The following SOX5 variants were observed in gnomAD, a reference collection of about 807,000 sequenced individuals.
The protein encoded by SOX5 is SRY-box transcription factor 5, also known as transcription factor SOX-5.
A neutral mutation model predicts 92.0 loss-of-function variants in SOX5; 9 were observed. That is an observed-to-expected ratio of 0.10 (90% CI 0.06 to 0.17). The LOEUF (loss-of-function observed/expected upper bound fraction) is 0.17, where lower values mean the gene tolerates loss of function less well. SOX5 is among the 10% of genes least tolerant of loss of function. The pLI, the probability that SOX5 is intolerant of heterozygous loss-of-function variation, is 1.00. For synonymous variants in SOX5, 344 were observed against 336.3 expected (o/e 1.02, Z -0.25); for missense variants, 642 against 944.5 (o/e 0.68, Z 4.20).
chr12:24,035,217 G>A (rs540150879), intron 4 of SOX5, among the ~76,000 whole-genome samples: 3 of 152,154 alleles, frequency 2.0e-5, no homozygotes, highest in East Asian at 1.9e-4. Context: ...TATGCCTTAC[G>A]ATTTTAATGG....
At chr12:23,578,169 C>CCCTAATTG (rs1346101353) in intron 9 of SOX5, among the ~76,000 whole-genome samples, 1 of 120,440 alleles carries the variant, frequency 8.3e-6, no homozygotes, top group East Asian at 2.4e-4. Context: ...GCAATATTAT[C>CCCTAATTG]CCTAATTGTT....
chr12:23,774,582 A>C (rs2095041115), intron 3 of SOX5, among the ~76,000 whole-genome samples: 1 of 152,216 alleles, frequency 6.6e-6, no homozygotes, highest in Non-Finnish European at 1.5e-5. Flanking sequence ...ATTCAATTAT[A>C]AAGTTATAGT....
At chr12:24,272,203 A>G (rs552440675) in intron 3 of SOX5, among the ~76,000 whole-genome samples, 22 of 152,290 alleles carry the variant, frequency 1.4e-4, no homozygotes, top group Admixed American at 1.0e-3. Context: ...AATATTGTGC[A>G]TCTCTTATTA....
chr12:23,875,554 A>G (rs1259428956), intron 2 of SOX5, among the ~76,000 whole-genome samples: 1 of 152,124 alleles, frequency 6.6e-6, no homozygotes, highest in African/African-American at 2.4e-5. Flanking sequence ...AGAGGAAGCA[A>G]AGGAAGGAAA....
chr12:23,976,438 G>A lies in SOX5; in HGVS notation c.-1-80414C>T, dbSNP rs7967712. Among the ~76,000 whole-genome samples, 1,175 of 140,150 alleles carry A rather than the reference G, an allele frequency of 8.4e-3. 26 individuals carry two copies. Among genetic ancestry groups the A allele is most frequent in the African/African-American group, 0.03 (1,113 of 37,600 alleles). 91.9% of individuals were successfully genotyped at this position (140,150 alleles called of 152,430 possible). A position where few individuals can be genotyped will look rare whatever the true frequency, so the allele number is the denominator to read the frequency against. The stretch of plus-strand genomic sequence containing the variant: ...AAAAAAAAAAAAGAAGAGAAGGAAG[G>A]TAAACAGGATGAGGAAGAAAGGTAA... On this transcript the variant is annotated intron_variant, in intron 4 of 4. Transcript: ENST00000446891.
chr12:24,207,390 G>A (rs1958131570), intron 4 of SOX5, among the ~76,000 whole-genome samples: 1 of 151,996 alleles, frequency 6.6e-6, no homozygotes, highest in African/African-American at 2.4e-5. Context: ...GCCAAGAAAT[G>A]AGATGGAGGA....
intron 1 of SOX5, 53 bp from the exon 2 acceptor site, chr12:23,896,077 T>C: frequency 8.0e-7 from 1 of 1,257,566 alleles, no homozygotes. Flanking sequence ...AAATCCTTAA[T>C]GCCGTCATTG....
chr12:23,865,339 G>A (rs943866961), intron 2 of SOX5, among the ~76,000 whole-genome samples: 1 of 152,144 alleles, frequency 6.6e-6, no homozygotes, highest in Non-Finnish European at 1.5e-5. Flanking sequence ...TGCAGCCCAT[G>A]GATCAGGAAG....
intron 9 of SOX5, among the ~76,000 whole-genome samples, chr12:23,599,055 G>T (rs945659605): frequency 2.0e-5 from 3 of 152,120 alleles, no homozygotes; most frequent in Non-Finnish European, 2.9e-5. Context: ...TTGATATAAC[G>T]TTTACTTGAT....
chr12:24,418,745 C>T (rs1965439751), intron 1 of SOX5, among the ~76,000 whole-genome samples: 1 of 152,084 alleles, frequency 6.6e-6, no homozygotes, highest in Non-Finnish European at 1.5e-5. Flanking sequence ...TCAAAAAATA[C>T]CCCAATTTCT....
At chr12:23,677,036 G>A (rs1369979881) in intron 6 of SOX5, among the ~76,000 whole-genome samples, 2 of 152,094 alleles carry the variant, frequency 1.3e-5, no homozygotes, top group Non-Finnish European at 2.9e-5. Flanking sequence ...TTATGTTTTA[G>A]CTTTAATTTC....
At chr12:24,302,328 G>A (rs1948068208) in intron 2 of SOX5, among the ~76,000 whole-genome samples, 1 of 152,058 alleles carries the variant, frequency 6.6e-6, no homozygotes. Context: ...ATTGTTATAG[G>A]TCTATTCACA....
At chr12:24,471,387 CT>C (rs1944807675) in intron 1 of SOX5, among the ~76,000 whole-genome samples, 1 of 152,158 alleles carries the variant, frequency 6.6e-6, no homozygotes, top group Non-Finnish European at 1.5e-5. Flanking sequence ...GCTATTAGGA[CT>C]TTCTGCATTG....
At chr12:24,140,534 T>G (rs577455363) in intron 4 of SOX5, among the ~76,000 whole-genome samples, 1 of 152,280 alleles carries the variant, frequency 6.6e-6, no homozygotes, top group South Asian at 2.1e-4. Context: ...TGAAATATAT[T>G]ATAGCTTTAT....
intron 3 of SOX5, among the ~76,000 whole-genome samples, chr12:24,273,873 A>T (rs1195006711): frequency 6.6e-6 from 1 of 152,142 alleles, no homozygotes; most frequent in East Asian, 1.9e-4. Flanking sequence ...TATATGTAGG[A>T]TATCTATTAT....
chr12:24,354,263 A>G (rs915715939), intron 2 of SOX5, among the ~76,000 whole-genome samples: 2 of 152,232 alleles, frequency 1.3e-5, no homozygotes, highest in African/African-American at 2.4e-5. Flanking sequence ...TCCTAGCAGA[A>G]AACAAACAAA....
chr12:24,293,531 T>G (rs1332260044), intron 2 of SOX5, among the ~76,000 whole-genome samples: 2 of 152,080 alleles, frequency 1.3e-5, no homozygotes, highest in African/African-American at 4.8e-5. Context: ...CAAATACTTC[T>G]GAAAACACTG....
chr12:23,571,717 A>G (rs1386902944), intron 10 of SOX5, among the ~76,000 whole-genome samples: 10 of 152,206 alleles, frequency 6.6e-5, no homozygotes, highest in Non-Finnish European at 2.9e-5. Context: ...TTAAAATTAA[A>G]GCTGAGGTAA....
intron 1 of SOX5, among the ~76,000 whole-genome samples, chr12:24,467,875 T>A (rs1052220344): frequency 3.3e-5 from 5 of 152,224 alleles, no homozygotes; most frequent in Non-Finnish European, 7.3e-5. Context: ...CATCTGCTTT[T>A]ACTCCATGCC....
Sources: allele counts gnomAD v4.1 joint callset (sites outside exome capture counted in the v4.1 genomes callset), GRCh38; gene constraint gnomAD v4.1.1; transcripts MANE v1.5; gene names NCBI Gene and HGNC (gene_info 2026-07-23, HGNC 2026-07-21).